Variants in GLMN observed in about 807,000 individuals in gnomAD.
The protein encoded by GLMN is glomulin.
GLMN carries 75 observed loss-of-function variants against 87.8 expected under a neutral mutation model. The ratio of observed to expected loss-of-function variants is 0.85; its 90% confidence interval spans 0.71 to 1.04. The LOEUF (loss-of-function observed/expected upper bound fraction) is 1.04, where lower values mean the gene tolerates loss of function less well. GLMN is among the 50% of genes least tolerant of loss of function. The pLI, the probability that GLMN is intolerant of heterozygous loss-of-function variation, is 0.00. For missense variants in GLMN, 588 were observed against 658.8 expected (o/e 0.89, Z 1.18); for synonymous variants, 206 against 221.6 (o/e 0.93, Z 0.63).
upstream of GLMN, among the ~76,000 whole-genome samples, chr1:92,302,590 ATTT>A (rs36067595): frequency 7.0e-4 from 52 of 74,326 alleles, no homozygotes; most frequent in African/African-American, 2.7e-3. Context: ...TCCGCATTAA[ATTT>A]TTTTTTTTTT....
At chr1:92,354,580 G>A in the GLMN span, among the ~76,000 whole-genome samples, 1 of 152,166 alleles carries the variant, frequency 6.6e-6, no homozygotes, top group African/African-American at 2.4e-5. Context: ...CCTTATTAAT[G>A]GGTAAACCTA....
intron 16 of GLMN, among the ~76,000 whole-genome samples, chr1:92,260,679 G>C (rs912753362): frequency 1.3e-5 from 2 of 149,816 alleles, no homozygotes; most frequent in Non-Finnish European, 3.0e-5. Context: ...GATTGTTTGA[G>C]CTGGGGAGTT....
intron 16 of GLMN, among the ~76,000 whole-genome samples, chr1:92,261,608 T>C (rs1655052220): frequency 6.6e-6 from 1 of 152,244 alleles, no homozygotes; most frequent in African/African-American, 2.4e-5. Flanking sequence ...AAATGTTCTA[T>C]ATTGATATGG....
chr1:92,263,168 T>C (rs1253015100), intron 15 of GLMN, among the ~76,000 whole-genome samples: 1 of 152,200 alleles, frequency 6.6e-6, no homozygotes, highest in African/African-American at 2.4e-5. Context: ...GAGAGCATCA[T>C]CTCTTGCTTT....
intron 18 of GLMN, 87 bp downstream of exon 18, chr1:92,246,975 A>G (rs531732627): frequency 3.4e-5 from 27 of 793,422 alleles, no homozygotes; most frequent in Middle Eastern, 4.5e-4. Flanking sequence ...GTGAGCCACA[A>G]TCATGCCACT....
chr1:92,260,032 G>A (rs1654826006), intron 16 of GLMN, among the ~76,000 whole-genome samples: 2 of 151,952 alleles, frequency 1.3e-5, no homozygotes, highest in South Asian at 2.1e-4. Flanking sequence ...ACCACGCCCA[G>A]CCCATTTTGT....
At chr1:92,327,804 G>A in the GLMN span, among the ~76,000 whole-genome samples, 2 of 151,662 alleles carry the variant, frequency 1.3e-5, no homozygotes, top group Non-Finnish European at 2.9e-5. Flanking sequence ...TCCAGGATTT[G>A]TTTCAAGATT....
intron 16 of GLMN, among the ~76,000 whole-genome samples, chr1:92,251,053 G>A (rs1394923591): frequency 6.6e-6 from 1 of 152,070 alleles, no homozygotes; most frequent in Non-Finnish European, 1.5e-5. Context: ...TTTCCAGAAT[G>A]CCATAAGTGG....
chr1:92,266,964 A>C (rs1655711086), intron 11 of GLMN, among the ~76,000 whole-genome samples: 1 of 152,228 alleles, frequency 6.6e-6, no homozygotes, highest in Non-Finnish European at 1.5e-5. Context: ...TACTTTTAAA[A>C]GCAAACGATA....
the GLMN span, among the ~76,000 whole-genome samples, chr1:92,349,070 T>C: frequency 6.6e-6 from 1 of 152,244 alleles, no homozygotes; most frequent in African/African-American, 2.4e-5. Flanking sequence ...ACTGTAGGCA[T>C]ACATGGGTGT....
At chr1:92,291,188 C>G (rs890155655) in intron 4 of GLMN, among the ~76,000 whole-genome samples, 3 of 152,232 alleles carry the variant, frequency 2.0e-5, no homozygotes, top group Middle Eastern at 3.4e-3. Context: ...ATCAATGGGT[C>G]CGATATGAGG....
chr1:92,256,928 T>G (rs373693493), intron 16 of GLMN, among the ~76,000 whole-genome samples: 33 of 152,180 alleles, frequency 2.2e-4, no homozygotes, highest in African/African-American at 5.5e-4. Flanking sequence ...GAGAAAGAAA[T>G]AAAGCGTATT....
upstream of GLMN, among the ~76,000 whole-genome samples, chr1:92,302,793 G>A (rs940982664): frequency 2.6e-5 from 4 of 151,482 alleles, no homozygotes; most frequent in Non-Finnish European, 5.9e-5. Context: ...GTAGAGATGG[G>A]ATTTCACTGT....
the GLMN span, among the ~76,000 whole-genome samples, chr1:92,363,939 C>G: frequency 1.3e-5 from 2 of 152,050 alleles, no homozygotes; most frequent in Non-Finnish European, 2.9e-5. Flanking sequence ...TCTAAGGCTT[C>G]TGGTCAACAG....
In GLMN at chr1:92,266,484, C is replaced by A; in HGVS notation, c.1149G>T (p.Lys383Asn). ...TATACAGCTGAAGCATAGCTAAACTCTTTTTCCTCTAAAATGGAACAAACA... is the reference window on the plus strand; with the variant it reads ...TATACAGCTGAAGCATAGCTAAACTATTTTTCCTCTAAAATGGAACAAACA... ...TLCPIETLRK[K>N]SLAMLQLYIN... The change falls in exon 13 of 19, where the codon AAG becomes AAT. Residue 383 changes from lysine to asparagine, a missense_variant. Physicochemically the swap from Lys to Asn is moderately conservative, Grantham distance 94. Transcript: ENST00000370360. 1 of 1,554,092 alleles carries A rather than the reference C, an allele frequency of 6.4e-7. No individual in the cohort carries two copies. Among genetic ancestry groups the A allele is most frequent in the Non-Finnish European group, 8.9e-7 (1 of 1,126,968 alleles).
the GLMN span, chr1:92,323,485 A>G: frequency 6.2e-7 from 1 of 1,612,910 alleles, no homozygotes; most frequent in Admixed American, 1.7e-5. Context: ...CAGTAAAGCC[A>G]TTAAAACATC....
chr1:92,253,205 C>G (rs201465240), intron 16 of GLMN, among the ~76,000 whole-genome samples: 2 of 140,802 alleles, frequency 1.4e-5, no homozygotes, highest in South Asian at 4.6e-4. Context: ...TGAAAAAAAA[C>G]TTAAGCTCTA....
chr1:92,247,947 A>G lies in GLMN; in HGVS notation c.1516T>C (p.Leu506=). Reference sequence around the variant, plus strand: ...TTAAGTCCTATATGAAGTGGCTTTAAGAAATTATTCTCAATATTTCCAAGT... The same window carrying G: ...TTAAGTCCTATATGAAGTGGCTTTAGGAAATTATTCTCAATATTTCCAAGT... ...TELGNIENNF[L]KPLHIGLNMS... Residue 506 remains leucine (L), a synonymous_variant, in exon 17 of 19, where the codon TTA becomes CTA. Transcript: ENST00000370360. 1 of 1,409,194 alleles carries G rather than the reference A, an allele frequency of 7.1e-7. No homozygotes were observed. Among genetic ancestry groups the G allele is most frequent in the Non-Finnish European group, 1.0e-6 (1 of 994,704 alleles). The allele number at this position is 1,409,194 out of a possible 1,614,324, so 87.3% of individuals were successfully genotyped here. A position where few individuals can be genotyped will look rare whatever the true frequency, so the allele number is the denominator to read the frequency against.
chr1:92,282,652 CA>C (rs1185798494), intron 7 of GLMN, among the ~76,000 whole-genome samples: 1 of 151,942 alleles, frequency 6.6e-6, no homozygotes, highest in African/African-American at 2.4e-5. Flanking sequence ...GATAGAGACA[CA>C]AAAAACCCTT....
Sources: allele counts gnomAD v4.1 joint callset (sites outside exome capture counted in the v4.1 genomes callset), GRCh38; gene constraint gnomAD v4.1.1; transcripts MANE v1.5; gene names NCBI Gene and HGNC (gene_info 2026-07-23, HGNC 2026-07-21).